The following ATP6V0D1 variants were observed in gnomAD, a reference collection of about 807,000 sequenced individuals.
The protein encoded by ATP6V0D1 is V-type proton ATPase subunit d 1.
A neutral mutation model predicts 39.0 loss-of-function variants in ATP6V0D1; 13 were observed. The ratio of observed to expected loss-of-function variants is 0.33; its 90% CI spans 0.22 to 0.53. The LOEUF (loss-of-function observed/expected upper bound fraction) is 0.53. Ranked by LOEUF, ATP6V0D1 falls within the 20% of genes least tolerant of loss-of-function variation. The pLI is 0.94. For synonymous variants in ATP6V0D1, 191 were observed against 191.2 expected (o/e 1.00, Z 0.01); for missense variants, 272 against 470.9 (o/e 0.58, Z 3.91).
chr16:67,476,284 T>TA (rs1344821947), intron 1 of ATP6V0D1, among the ~76,000 whole-genome samples: 1 of 149,846 alleles, frequency 6.7e-6, no homozygotes, highest in Non-Finnish European at 1.5e-5. Flanking sequence ...CAGGGTTATA[T>TA]AAAAAAGACT....
intron 3 of ATP6V0D1, among the ~76,000 whole-genome samples, chr16:67,443,572 G>C (rs971182220): frequency 2.0e-5 from 3 of 152,176 alleles, no homozygotes; most frequent in Admixed American, 6.5e-5. Context: ...AGGAAGGCCT[G>C]GCGTCCACAT....
intron 1 of ATP6V0D1, among the ~76,000 whole-genome samples, chr16:67,467,503 CAA>C (rs926836473): frequency 7.2e-6 from 1 of 138,756 alleles, no homozygotes; most frequent in Non-Finnish European, 1.6e-5. Context: ...GACTCTGTCT[CAA>C]AAAAAAAAAA....
chr16:67,445,795 G>A (rs2041107954), intron 2 of ATP6V0D1: 1 of 392,714 alleles, frequency 2.5e-6, no homozygotes, highest in Non-Finnish European at 5.2e-6. Context: ...CTGGGGCAGA[G>A]AGTTCTGTGT....
chr16:67,463,159 G>C (rs2041302314), intron 1 of ATP6V0D1, among the ~76,000 whole-genome samples: 1 of 152,208 alleles, frequency 6.6e-6, no homozygotes. Flanking sequence ...CTGTGTTTGG[G>C]CTCGTGGGAT....
chr16:67,470,095 T>C (rs1172902395), intron 1 of ATP6V0D1, among the ~76,000 whole-genome samples: 3 of 152,180 alleles, frequency 2.0e-5, no homozygotes, highest in African/African-American at 7.2e-5. Flanking sequence ...AACCAGACCA[T>C]AACCAAATCA....
chr16:67,464,984 G>T (rs1023051869), intron 1 of ATP6V0D1, among the ~76,000 whole-genome samples: 2 of 152,246 alleles, frequency 1.3e-5, no homozygotes, highest in East Asian at 1.9e-4. Flanking sequence ...TCCTTCAGGG[G>T]AGTTGCTAGG....
Position 67,438,728 on chromosome 16 carries a change from G to A in ATP6V0D1, c.895-39C>T, listed in dbSNP as rs2041007550. ...CAGATGTGGTGTCCAGGTGGCCATG[G>A]CCACAGAGTCAGGTCTAAACCACCA... On this transcript the variant is annotated intron_variant, in intron 7 of 7. Coordinates refer to ENST00000290949, the MANE Select transcript of ATP6V0D1 (RefSeq NM_004691.5). The A allele has an allele frequency of 2.5e-6, 4 of 1,614,022 alleles. No individual in the cohort carries two copies. The African/African-American group carries it at 4.0e-5, about 16-fold the overall frequency.
rs775674297 is a variant in ATP6V0D1 at position 67,444,724 on chromosome 16, T to C, written c.303-18A>G. ...AACTGTAACTACAGGGGGCAGGCAA[T>C]AGCAAGGAGCCCATCAAGGTGGGGG... On this transcript the variant is annotated intron_variant, in intron 2 of 7. Transcript: ENST00000290949. The surrounding 1 kb of genome is among the most constrained non-coding windows in gnomAD (Gnocchi z 4.8). 2.9e-5 allele frequency: 46 copies of C among 1,572,928 alleles called. No homozygotes were observed. The highest frequency in any genetic ancestry group is 2.9e-4 in the South Asian group (25 of 87,386).
At chr16:67,478,569 G>A (rs1367811949) in intron 1 of ATP6V0D1, among the ~76,000 whole-genome samples, 2 of 149,532 alleles carry the variant, frequency 1.3e-5, no homozygotes, top group African/African-American at 2.5e-5. Context: ...AGCGGAGATC[G>A]CGCCACTGCA....
At chr16:67,454,875 T>A (rs2041221835) in intron 1 of ATP6V0D1, 1 of 152,284 alleles carries the variant, frequency 6.6e-6, no homozygotes, top group Non-Finnish European at 1.5e-5. Context: ...TGTCCCCACC[T>A]CAGGGCCCTT....
intron 1 of ATP6V0D1, among the ~76,000 whole-genome samples, chr16:67,473,226 G>T (rs530424330): frequency 1.3e-5 from 2 of 152,084 alleles, no homozygotes; most frequent in African/African-American, 4.8e-5. Context: ...GGGCTGGGGG[G>T]GGTGGCGCAG....
intron 1 of ATP6V0D1, among the ~76,000 whole-genome samples, chr16:67,462,233 C>G (rs912088740): frequency 1.3e-5 from 2 of 152,316 alleles, no homozygotes; most frequent in Middle Eastern, 6.8e-3. Context: ...TCCTATGTTC[C>G]CTGGCCACAG....
chr16:67,439,691 C>T (rs2142295186), intron 4 of ATP6V0D1: 1 of 352,266 alleles, frequency 2.8e-6, no homozygotes, highest in East Asian at 5.5e-5. Context: ...CTTCCTTTTC[C>T]CCAAATCTTT....
intron 1 of ATP6V0D1, among the ~76,000 whole-genome samples, chr16:67,472,476 T>C (rs2041381420): frequency 6.6e-6 from 1 of 152,246 alleles, no homozygotes; most frequent in African/African-American, 2.4e-5. Context: ...CAGAGGAATT[T>C]AGGACTGAGC....
intron 1 of ATP6V0D1, among the ~76,000 whole-genome samples, chr16:67,473,397 G>C (rs895510764): frequency 6.6e-6 from 1 of 151,958 alleles, no homozygotes; most frequent in African/African-American, 2.4e-5. Flanking sequence ...CACCCAGGCT[G>C]CAGTGCAGTG....
chr16:67,457,875 A>C (rs2041253909), intron 1 of ATP6V0D1, among the ~76,000 whole-genome samples: 1 of 152,214 alleles, frequency 6.6e-6, no homozygotes, highest in Non-Finnish European at 1.5e-5. Flanking sequence ...GTCAGATCAG[A>C]GCAAACCCGG....
chr16:67,442,469 A>T (rs12921823), intron 4 of ATP6V0D1, among the ~76,000 whole-genome samples: 35,092 of 143,468 alleles, frequency 0.24, 5,098 homozygotes, highest in Middle Eastern at 0.35. Context: ...TTTTTTTTTT[A>T]AATTTTTAAA....
At chr16:67,475,992 G>C (rs1049457801) in intron 1 of ATP6V0D1, among the ~76,000 whole-genome samples, 2 of 152,206 alleles carry the variant, frequency 1.3e-5, no homozygotes, top group Non-Finnish European at 2.9e-5. Flanking sequence ...CACTTTGGGA[G>C]GCCGAGGTGG....
At chr16:67,467,053 C>A (rs1205319522) in intron 1 of ATP6V0D1, among the ~76,000 whole-genome samples, 1 of 152,184 alleles carries the variant, frequency 6.6e-6, no homozygotes, top group South Asian at 2.1e-4. Flanking sequence ...AGTCTCAACT[C>A]CTTTTGTCTC....
Sources: allele counts gnomAD v4.1 joint callset (sites outside exome capture counted in the v4.1 genomes callset), GRCh38; gene constraint gnomAD v4.1.1; non-coding constraint Gnocchi (gnomAD v3.1); transcripts MANE v1.5; gene names NCBI Gene and HGNC (gene_info 2026-07-23, HGNC 2026-07-21).